GALNT13: variants seen among roughly 807,000 people sequenced by gnomAD.
GALNT13 encodes polypeptide N-acetylgalactosaminyltransferase 13.
In GALNT13, 28 loss-of-function variants were observed where a neutral mutation model predicts 64.2. The ratio of observed to expected loss-of-function variants is 0.44; its 90% confidence interval spans 0.32 to 0.60. The LOEUF (loss-of-function observed/expected upper bound fraction) is 0.60, where lower values mean the gene tolerates loss of function less well. Among genes scored for constraint, GALNT13 ranks in the 20% least tolerant of loss-of-function variants. The probability of loss-of-function intolerance (pLI) is 0.05; values close to 1 mark genes in which losing one functional copy is unlikely to be tolerated. For missense variants in GALNT13, 577 were observed against 669.8 expected (o/e 0.86, Z 1.53); for synonymous variants, 214 against 224.6 (o/e 0.95, Z 0.42).
chr2:153,824,986 A>G, the GALNT13 span, among the ~76,000 whole-genome samples: 1 of 152,142 alleles, frequency 6.6e-6, no homozygotes, highest in Non-Finnish European at 1.5e-5. Context: ...GTTCTTTATA[A>G]ATTACCCAGT....
chr2:153,532,207 T>G, the GALNT13 span, among the ~76,000 whole-genome samples: 1 of 152,108 alleles, frequency 6.6e-6, no homozygotes, highest in Non-Finnish European at 1.5e-5. Context: ...TTTCCATACA[T>G]TCTTTGAAAC....
the GALNT13 span, among the ~76,000 whole-genome samples, chr2:153,102,999 A>G: frequency 6.6e-6 from 1 of 152,216 alleles, no homozygotes; most frequent in South Asian, 2.1e-4. Flanking sequence ...AGCCCAGGGT[A>G]TTAATGCTGA....
chr2:154,212,406 GCTAA>G (rs889202518), intron 4 of GALNT13, among the ~76,000 whole-genome samples: 1 of 151,894 alleles, frequency 6.6e-6, no homozygotes. Context: ...ACCACGCCCG[GCTAA>G]CTTTTGTATT....
chr2:153,282,276 A>C, the GALNT13 span, among the ~76,000 whole-genome samples: 1 of 151,956 alleles, frequency 6.6e-6, no homozygotes, highest in Non-Finnish European at 1.5e-5. Flanking sequence ...TAATTTCCTG[A>C]ATTGTTTTAG....
Position 154,115,286 on chromosome 2 carries a change from T to G in GALNT13, c.143-25051T>G, listed in dbSNP as rs1041267989. On this transcript the variant is annotated intron_variant, in intron 3 of 12. Coordinates refer to ENST00000392825, the MANE Select transcript of GALNT13 (RefSeq NM_052917.4). ...AATAAACTATTAGGATTTTTTATTT[T>G]TATCTATTTTTATTATTATTGTTAT... Among the ~76,000 whole-genome samples the G allele has an allele frequency of 2.0e-5, 3 of 152,144 alleles. No homozygotes were observed. In the East Asian group the frequency reaches 5.8e-4, roughly 29 times the overall value.
At chr2:153,156,964 G>T in the GALNT13 span, among the ~76,000 whole-genome samples, 1 of 152,124 alleles carries the variant, frequency 6.6e-6, no homozygotes, top group African/African-American at 2.4e-5. Flanking sequence ...TCTGTGAAGT[G>T]TCTGCTTCAT....
chr2:154,242,347 G>C, intron 5 of GALNT13, 151 bp downstream of exon 5: 1 of 669,410 alleles, frequency 1.5e-6, no homozygotes, highest in Non-Finnish European at 2.5e-6. Context: ...CAGCCTATCA[G>C]ATTCTCATCA....
Position 154,242,806 on chromosome 2 carries a change from C to A in GALNT13, c.587C>A (p.Ala196Glu). Reference protein sequence around the residue: ...SGLIRARLRGAAASKGQVITF... With the variant: ...SGLIRARLRGEAASKGQVITF... Reference sequence around the variant, plus strand: ...TTAATACGTGCCCGTCTTCGAGGAGCAGCTGCTTCAAAAGGGCAGGTCATA... The same window carrying A: ...TTAATACGTGCCCGTCTTCGAGGAGAAGCTGCTTCAAAAGGGCAGGTCATA... The change falls in exon 6 of 13, where the codon GCA (alanine) becomes GAA (glutamate). Residue 196 changes from alanine to glutamate, a missense_variant. Transcript: ENST00000392825. The A allele has an allele frequency of 6.2e-7, 1 of 1,614,040 alleles. No individual in the cohort carries two copies. The highest frequency in any genetic ancestry group is 8.5e-7 in the Non-Finnish European group (1 of 1,179,920).
the GALNT13 span, among the ~76,000 whole-genome samples, chr2:153,140,245 A>T: frequency 6.6e-6 from 1 of 152,050 alleles, no homozygotes; most frequent in African/African-American, 2.4e-5. Flanking sequence ...GGTCCTTCAC[A>T]ATGTTATTTC....
the GALNT13 span, among the ~76,000 whole-genome samples, chr2:153,265,637 G>C: frequency 6.6e-6 from 1 of 152,156 alleles, no homozygotes; most frequent in Non-Finnish European, 1.5e-5. Context: ...CAGGTATTGT[G>C]ATCTCTAATC....
chr2:153,352,827 T>A, the GALNT13 span, among the ~76,000 whole-genome samples: 18 of 152,260 alleles, frequency 1.2e-4, no homozygotes, highest in African/African-American at 4.3e-4. Flanking sequence ...GGCTCTTTCA[T>A]CAGTACTACA....
At chr2:153,428,239 A>G in the GALNT13 span, among the ~76,000 whole-genome samples, 1 of 152,192 alleles carries the variant, frequency 6.6e-6, no homozygotes, top group African/African-American at 2.4e-5. Context: ...TCTGCAGGCT[A>G]TACTAGCATG....
chr2:153,571,719 C>T, the GALNT13 span, among the ~76,000 whole-genome samples: 2 of 152,010 alleles, frequency 1.3e-5, no homozygotes, highest in Admixed American at 1.3e-4. Context: ...TGGTTTTTAT[C>T]CTTCATTCTG....
At chr2:153,603,529 GT>G in the GALNT13 span, among the ~76,000 whole-genome samples, 1 of 151,928 alleles carries the variant, frequency 6.6e-6, no homozygotes, top group East Asian at 1.9e-4. Context: ...TCATGTTGGA[GT>G]AGATGGGACC....
chr2:153,130,230 A>C, the GALNT13 span, among the ~76,000 whole-genome samples: 2 of 152,150 alleles, frequency 1.3e-5, no homozygotes, highest in Non-Finnish European at 2.9e-5. Flanking sequence ...TTCTTAACAC[A>C]GTAGCAGCCA....
chr2:154,269,155 A>C (rs1691184243), intron 8 of GALNT13, among the ~76,000 whole-genome samples: 1 of 152,114 alleles, frequency 6.6e-6, no homozygotes, highest in African/African-American at 2.4e-5. Context: ...TGAACAGAAT[A>C]GTATGGTAAA....
At chr2:153,416,766 A>G in the GALNT13 span, among the ~76,000 whole-genome samples, 666 of 152,326 alleles carry the variant, frequency 4.4e-3, 3 homozygotes, top group African/African-American at 0.015. Flanking sequence ...ATATGATACA[A>G]CAGTGATCCA....
At chr2:154,298,737 AGT>A (rs1335033445) in intron 8 of GALNT13, among the ~76,000 whole-genome samples, 22 of 82,966 alleles carry the variant, frequency 2.7e-4, no homozygotes, top group African/African-American at 9.1e-4. Context: ...ATTTATATAT[AGT>A]ATATATAAAT....
chr2:153,808,596 T>C, the GALNT13 span, among the ~76,000 whole-genome samples: 15 of 152,184 alleles, frequency 9.9e-5, no homozygotes, highest in Admixed American at 2.6e-4. Flanking sequence ...TTGATGTCTT[T>C]AATACTTAGC....
Sources: allele counts gnomAD v4.1 joint callset (sites outside exome capture counted in the v4.1 genomes callset), GRCh38; gene constraint gnomAD v4.1.1; transcripts MANE v1.5; gene names NCBI Gene and HGNC (gene_info 2026-07-23, HGNC 2026-07-21).